The following FGF13 variants were observed in gnomAD, a reference collection of about 807,000 sequenced individuals.
The protein encoded by FGF13 is fibroblast growth factor 13.
FGF13 carries 2 observed loss-of-function variants against 19.5 expected under a neutral mutation model. That is an observed-to-expected ratio of 0.10 (90% confidence interval 0.04 to 0.32). The LOEUF is 0.32. Among genes scored for constraint, FGF13 ranks in the 10% least tolerant of loss-of-function variants. The probability of loss-of-function intolerance (pLI) is 1.00; values close to 1 mark genes in which losing one functional copy is unlikely to be tolerated. For missense variants in FGF13, 113 were observed against 192.7 expected (o/e 0.59, Z 2.45); for synonymous variants, 72 against 76.9 (o/e 0.94, Z 0.33).
chrX:138,868,426 G>A (rs2091340744), intron 1 of FGF13, among the ~76,000 whole-genome samples: 1 of 110,749 alleles, frequency 9.0e-6, no homozygotes, highest in African/African-American at 3.3e-5. Context: ...CTGGACATAT[G>A]TCTTTGACAT....
At chrX:139,157,511 T>C (rs2083986599) in intron 1 of FGF13, among the ~76,000 whole-genome samples, 1 of 112,316 alleles carries the variant, frequency 8.9e-6, no homozygotes, top group African/African-American at 3.2e-5. Flanking sequence ...TCTCTCTAGC[T>C]CTCTTGTTCT....
chrX:139,160,280 C>T (rs747709790), intron 1 of FGF13, among the ~76,000 whole-genome samples: 1 of 112,087 alleles, frequency 8.9e-6, no homozygotes, highest in African/African-American at 3.3e-5. Flanking sequence ...TAAATAACTT[C>T]TTTGAAACCA....
chrX:139,047,390 TG>T lies in FGF13; in HGVS notation c.-113+156025del, dbSNP rs199720524. On this transcript the variant is annotated intron_variant, in intron 1 of 2. Coordinates refer to the FGF13 transcript ENST00000421460. ...TTGGAGAATGAGAACATTTATTTTT[TG>T]GTTTTTTTTTTCTTTTTTTTATTAT... Among the ~76,000 whole-genome samples the T allele has an allele frequency of 1.9e-3, 214 of 110,210 alleles. 3 individuals are homozygous for T. Among genetic ancestry groups the T allele is most frequent in the African/African-American group, 7.1e-3 (210 of 29,447 alleles).
chrX:138,797,111 T>C (rs1276414139), intron 3 of FGF13, among the ~76,000 whole-genome samples: 1 of 112,125 alleles, frequency 8.9e-6, no homozygotes, highest in Non-Finnish European at 1.9e-5. Context: ...TTTGATGTTT[T>C]AGTCATGAAG....
chrX:138,935,693 A>T (rs1306641356), intron 1 of FGF13, among the ~76,000 whole-genome samples: 4 of 111,459 alleles, frequency 3.6e-5, no homozygotes, highest in Non-Finnish European at 7.5e-5. Flanking sequence ...ATGAGTTTTA[A>T]CACATGTGTA....
intron 1 of FGF13, among the ~76,000 whole-genome samples, chrX:139,066,681 G>A (rs918918378): frequency 5.4e-5 from 6 of 111,026 alleles, no homozygotes; most frequent in African/African-American, 1.3e-4. Context: ...ATTCACAGCC[G>A]AATTCTACCA....
At chrX:139,073,521 T>C (rs2092383489) in intron 1 of FGF13, among the ~76,000 whole-genome samples, 2 of 111,500 alleles carry the variant, frequency 1.8e-5, no homozygotes, top group African/African-American at 6.5e-5. Flanking sequence ...GTTAAGGTAA[T>C]TATATCTCTC....
intron 2 of FGF13, among the ~76,000 whole-genome samples, chrX:138,862,200 C>G (rs2091291963): frequency 8.9e-6 from 1 of 111,840 alleles, no homozygotes; most frequent in Non-Finnish European, 1.9e-5. Context: ...AGGCATCTGC[C>G]CCCTCAGCAG....
intron 1 of FGF13, among the ~76,000 whole-genome samples, chrX:139,064,275 T>TAAAATACAACACTGTGGGTAACCCGACC (rs1288863863): frequency 1.3e-4 from 9 of 69,028 alleles, no homozygotes; most frequent in African/African-American, 2.1e-4. Flanking sequence ...AGAGTTCTTT[T>TAAAATACAACACTGTGGGTAACCCGACC]TTTTTCTTTT....
intron 1 of FGF13, among the ~76,000 whole-genome samples, chrX:139,081,041 A>T (rs2083367029): frequency 9.1e-6 from 1 of 110,300 alleles, no homozygotes; most frequent in Non-Finnish European, 1.9e-5. Context: ...CTTCCCTTCC[A>T]CTTTAGAAAA....
intron 1 of FGF13, among the ~76,000 whole-genome samples, chrX:139,169,024 T>C (rs2084108731): frequency 8.9e-6 from 1 of 112,079 alleles, no homozygotes; most frequent in Admixed American, 9.5e-5. Context: ...ACACTTACTA[T>C]GTACCAGGCA....
intron 1 of FGF13, among the ~76,000 whole-genome samples, chrX:139,110,544 TGCCA>T (rs1026107419): frequency 6.3e-5 from 7 of 111,797 alleles, no homozygotes; most frequent in African/African-American, 9.8e-5. Flanking sequence ...TTTTGCCTTC[TGCCA>T]TGATTGTGAG....
At chrX:139,140,172 A>T (rs1045681029) in intron 1 of FGF13, among the ~76,000 whole-genome samples, 23 of 111,330 alleles carry the variant, frequency 2.1e-4, no homozygotes, top group African/African-American at 6.9e-4. Flanking sequence ...ATATCCAATG[A>T]TCTACTCTGT....
intron 1 of FGF13, among the ~76,000 whole-genome samples, chrX:139,161,391 T>C (rs931595032): frequency 9.0e-6 from 1 of 111,666 alleles, no homozygotes; most frequent in African/African-American, 3.3e-5. Context: ...AATATCATAA[T>C]GAATGGGCAA....
chrX:139,119,999 G>A (rs4829961), intron 1 of FGF13, among the ~76,000 whole-genome samples: 17,656 of 111,186 alleles, frequency 0.16, 1,414 homozygotes, highest in Middle Eastern at 0.29. Context: ...CGGATCATGG[G>A]GGCAGTTTCC....
At chrX:138,987,748 A>T (rs773326113) in intron 1 of FGF13, among the ~76,000 whole-genome samples, 16 of 112,010 alleles carry the variant, frequency 1.4e-4, no homozygotes, top group Non-Finnish European at 2.8e-4. Flanking sequence ...TGAAGTTAAC[A>T]TTTGTTTTCT....
At chrX:138,857,401 C>T, downstream of FGF13, 2 of 762,210 alleles carry the variant, frequency 2.6e-6, no homozygotes, top group Non-Finnish European at 3.7e-6. Flanking sequence ...CTAGCTATGG[C>T]AGGGCCTGAA....
chrX:139,098,961 T>G (rs2083488775), intron 1 of FGF13, among the ~76,000 whole-genome samples: 1 of 111,526 alleles, frequency 9.0e-6, no homozygotes, highest in South Asian at 3.8e-4. Flanking sequence ...TATCTAGCAA[T>G]GAGGACTCCC....
chrX:138,723,786 T>A (rs2090165685), intron 1 of FGF13, among the ~76,000 whole-genome samples: 1 of 112,142 alleles, frequency 8.9e-6, no homozygotes, highest in South Asian at 3.7e-4. Flanking sequence ...ATGGTACATT[T>A]CATCTTGGGT....
Sources: gnomAD v4.1 joint callset for allele counts (sites outside exome capture counted in the v4.1 genomes callset) on GRCh38, gnomAD v4.1.1 for gene constraint, MANE v1.5 for transcripts, NCBI Gene and HGNC (gene_info 2026-07-23, HGNC 2026-07-21) for gene names.